Variants in NUTM2A observed in about 807,000 individuals in gnomAD.
The protein encoded by NUTM2A is NUT family member 2A, also known as family with sequence similarity 22, member A.
NUTM2A carries 3 observed loss-of-function variants against 24.4 expected under a neutral mutation model. That is an observed-to-expected ratio of 0.12 (90% CI 0.06 to 0.32). NUTM2A has a LOEUF of 0.32. Among genes scored for constraint, NUTM2A ranks in the 10% least tolerant of loss-of-function variants. The pLI is 1.00. For synonymous variants in NUTM2A, 11 were observed against 278.4 expected, an observed-to-expected ratio of 0.04 and a Z score of 9.56; for missense variants, 39 against 631.1, an observed-to-expected ratio of 0.06 and a Z score of 10.05.
At chr10:87,232,239 GCTTCC>G in intron 4 of NUTM2A, 79 bp downstream of exon 4, 1 of 160,402 alleles carries the variant, frequency 6.2e-6, no homozygotes, top group African/African-American at 3.7e-5. Context: ...CACACCCCAT[GCTTCC>G]CTTCGAGAGG....
chr10:87,233,168 CTGTGTGTCTT>C lies in NUTM2A; in HGVS notation c.1734+193_1734+202del, dbSNP rs1195987116. On this transcript the variant is annotated intron_variant, in intron 5 of 6. Transcript: ENST00000381707. ...GTGTGTTTGTGTCTGTGGTTTGTTA[CTGTGTGTCTT>C]TGTGTGTCTGTGTGGGTGTGAGTGT... is the stretch of plus-strand genomic sequence containing the variant. Among the ~76,000 whole-genome samples, 5 of 108,962 alleles carry C rather than the reference CTGTGTGTCTT, an allele frequency of 4.6e-5. 2 individuals are homozygous for C. Among genetic ancestry groups the C allele is most frequent in the Non-Finnish European group, 9.8e-5 (5 of 51,138 alleles). 71.5% of individuals were successfully genotyped at this position (108,962 alleles called of 152,430 possible).
At chr10:87,229,476 C>T (rs1298479949) in intron 2 of NUTM2A, among the ~76,000 whole-genome samples, 7 of 152,334 alleles carry the variant, frequency 4.6e-5, no homozygotes, top group East Asian at 1.9e-4. Flanking sequence ...GCACTGGGGC[C>T]GATGCCGAGC....
intron 4 of NUTM2A, 57 bp from the exon 5 acceptor site, chr10:87,232,545 TG>T (rs1333406939): frequency 1.2e-6 from 1 of 803,010 alleles, no homozygotes; most frequent in Non-Finnish European, 2.0e-6. Flanking sequence ...CTCCCCTGTG[TG>T]GTGCCAGCAG....
chr10:87,229,482 C>T (rs1362085489), intron 2 of NUTM2A, among the ~76,000 whole-genome samples: 16 of 152,336 alleles, frequency 1.1e-4, no homozygotes, highest in African/African-American at 3.1e-4. Flanking sequence ...GGGCCGATGC[C>T]GAGCAGGTAT....
rs1188749124 is a variant in NUTM2A at position 87,234,931 on chromosome 10, T to C, written c.*223T>C. ...GGGAGTGGGGGTGGGAAGCAGTGCG[T>C]TGGGGGCCTCGTGTGTAAGTGTGAA... On this transcript the variant is annotated 3_prime_UTR_variant, in exon 7 of 7. Coordinates refer to ENST00000381707, the MANE Select transcript of NUTM2A (RefSeq NM_001099338.2). The C allele has an allele frequency of 2.0e-5, 29 of 1,436,230 alleles. No individual in the cohort carries two copies. The Admixed American group carries it at 4.2e-4, about 21-fold the overall frequency. The allele number at this position is 1,436,230 out of a possible 1,614,324, so 89.0% of individuals were successfully genotyped here.
chr10:87,228,838 C>G lies in NUTM2A; in HGVS notation c.958C>G (p.Pro320Ala). 8.0e-7 allele frequency: 1 copy of G among 1,245,616 alleles called. No homozygotes were observed. Among genetic ancestry groups the G allele is most frequent in the Non-Finnish European group, 1.2e-6 (1 of 867,612 alleles). 77.2% of individuals were successfully genotyped at this position (1,245,616 alleles called of 1,614,324 possible). A position where few individuals can be genotyped will look rare whatever the true frequency, so the allele number is the denominator to read the frequency against. ...SLASSQAKAP[P>A]DDSCNPRSVY... ...GGCTTCCTCCCAGGCCAAGGCCCCGCCAGATGACTCCTGTAACCCCAGGAG... is the reference window on the plus strand; with the variant it reads ...GGCTTCCTCCCAGGCCAAGGCCCCGGCAGATGACTCCTGTAACCCCAGGAG... Residue 320 changes from proline to alanine, a missense_variant, in exon 2 of 7, where the codon CCA becomes GCA. Transcript: ENST00000381707.
intron 2 of NUTM2A, among the ~76,000 whole-genome samples, chr10:87,229,230 A>T (rs1849354221): frequency 6.6e-6 from 1 of 152,162 alleles, no homozygotes; most frequent in South Asian, 2.1e-4. Context: ...TTTACAGAAG[A>T]CCCAGGTCAG....
chr10:87,229,716 T>C (rs967712044), intron 2 of NUTM2A, among the ~76,000 whole-genome samples: 1 of 151,766 alleles, frequency 6.6e-6, no homozygotes, highest in African/African-American at 2.4e-5. Flanking sequence ...GCTCCAGTGA[T>C]AGCTCTGAGT....
rs1849371096 is a variant in NUTM2A at position 87,232,139 on chromosome 10, CCT to C, written c.1331_1332del (p.Pro444ArgfsTer66). The C allele has an allele frequency of 4.5e-6, 1 of 223,020 alleles. No homozygotes were observed. Among genetic ancestry groups the C allele is most frequent in the East Asian group, 4.6e-5 (1 of 21,684 alleles). The allele number at this position is 223,020 out of a possible 1,614,324, so 13.8% of individuals were successfully genotyped here. A position where few individuals can be genotyped will look rare whatever the true frequency, so the allele number is the denominator to read the frequency against. On this transcript the variant is annotated frameshift_variant, in exon 4 of 7. Transcript: ENST00000381707. LOFTEE classifies it high-confidence loss of function. ...PRLEPRGPPA[P>X]EVVKQPVYLP... ...GCTTGAACCTCGAGGACCCCCGGCCCCTGAGGTGGTCAAGCAGCCAGGTATGG... is the reference window on the plus strand; with the variant it reads ...GCTTGAACCTCGAGGACCCCCGGCCCGAGGTGGTCAAGCAGCCAGGTATGG...
chr10:87,229,594 C>A (rs547537698), intron 2 of NUTM2A, among the ~76,000 whole-genome samples: 1 of 152,226 alleles, frequency 6.6e-6, no homozygotes, highest in Non-Finnish European at 1.5e-5. Flanking sequence ...ATGCATAGCA[C>A]AGTGCCTGGC....
chr10:87,233,098 T>G (rs1849388698), intron 5 of NUTM2A, 113 bp downstream of exon 5: 1 of 1,003,144 alleles, frequency 1.0e-6, no homozygotes, highest in African/African-American at 2.1e-5. Context: ...TTTCCATGGA[T>G]TTGAGTATCT....
intron 2 of NUTM2A, 43 bp downstream of exon 2, chr10:87,229,005 C>G (rs750389720): frequency 3.0e-6 from 2 of 677,176 alleles, no homozygotes; most frequent in African/African-American, 3.5e-5. Flanking sequence ...GCAGCTCACA[C>G]GTAAAGAGGC....
At position 87,234,390 on chromosome 10, in the gene NUTM2A, C is replaced by A. The variant is rs1355748049; in HGVS notation, c.2319C>A (p.Pro773=). ...TGGGTTCCCAGCACAAGCTTCTGCC[C>A]TGGTGGCTACCCCAGAGCCCTGTCC... ...FLLGSQHKLL[P]WWLPQSPVPA... Residue 773 remains proline (P), a synonymous_variant, in exon 7 of 7, where the codon CCC becomes CCA. Transcript: ENST00000381707. The A allele has an allele frequency of 6.6e-7, 1 of 1,520,178 alleles. No individual in the cohort carries two copies. Among genetic ancestry groups the A allele is most frequent in the African/African-American group, 1.4e-5 (1 of 71,346 alleles). 94.2% of individuals were successfully genotyped at this position (1,520,178 alleles called of 1,614,324 possible).
At chr10:87,229,646 TC>T (rs1333865359) in intron 2 of NUTM2A, among the ~76,000 whole-genome samples, 3 of 152,170 alleles carry the variant, frequency 2.0e-5, no homozygotes, top group African/African-American at 7.2e-5. Context: ...ATGATTACTG[TC>T]CCCATTACTA....
intron 2 of NUTM2A, 144 bp downstream of exon 2, chr10:87,229,106 A>G (rs1176099618): frequency 6.5e-7 from 1 of 1,530,404 alleles, no homozygotes; most frequent in African/African-American, 1.4e-5. Flanking sequence ...TATATTTTTG[A>G]CCATATTAAT....
chr10:87,233,070 T>G lies in NUTM2A; in HGVS notation c.1734+85T>G, dbSNP rs1335142376. 3.7e-6 allele frequency: 4 copies of G among 1,074,378 alleles called. No individual in the cohort carries two copies. In the East Asian group the frequency reaches 9.6e-5, roughly 26 times the overall value. The allele number at this position is 1,074,378 out of a possible 1,614,324, so 66.6% of individuals were successfully genotyped here. A position where few individuals can be genotyped will look rare whatever the true frequency, so the allele number is the denominator to read the frequency against. On this transcript the variant is annotated intron_variant, in intron 5 of 6. Coordinates refer to ENST00000381707, the MANE Select transcript of NUTM2A (RefSeq NM_001099338.2). ...TTGGAATTAAGCTCTGTTCCTTAGCTACTCAGCAGTGTGTGTATTTCCATG... is the reference window on the plus strand; with the variant it reads ...TTGGAATTAAGCTCTGTTCCTTAGCGACTCAGCAGTGTGTGTATTTCCATG...
In NUTM2A at chr10:87,233,248, T is replaced by C. The variant is rs1450947939; in HGVS notation, c.1735-225T>C. On this transcript the variant is annotated intron_variant, in intron 5 of 6. Coordinates refer to ENST00000381707, the MANE Select transcript of NUTM2A (RefSeq NM_001099338.2). ...TGTCTGTGTCTTTTCCTGTGTCATA[T>C]GTGGGTCTGTTTGTGTGTCTGTGTG... Among the ~76,000 whole-genome samples, 57 of 48,972 alleles carry C rather than the reference T, an allele frequency of 1.2e-3. 4 individuals carry two copies. The highest frequency in any genetic ancestry group is 5.2e-3 in the African/African-American group (57 of 10,898). 32.1% of individuals were successfully genotyped at this position (48,972 alleles called of 152,430 possible).
chr10:87,229,145 G>A (rs1049312555), intron 2 of NUTM2A, among the ~76,000 whole-genome samples, 183 bp downstream of exon 2: 16 of 152,182 alleles, frequency 1.1e-4, no homozygotes, highest in African/African-American at 3.9e-4. Flanking sequence ...AGACTGTCAG[G>A]GGCCTCATCT....
intron 5 of NUTM2A, 49 bp downstream of exon 5, chr10:87,233,034 C>G: frequency 7.5e-7 from 1 of 1,338,476 alleles, no homozygotes; most frequent in Non-Finnish European, 1.0e-6. Flanking sequence ...GGGGGTGGCA[C>G]TCCCAGGTCC....
Sources: allele counts gnomAD v4.1 joint callset (sites outside exome capture counted in the v4.1 genomes callset), GRCh38; gene constraint gnomAD v4.1.1; transcripts MANE v1.5; gene names NCBI Gene and HGNC (gene_info 2026-07-23, HGNC 2026-07-21).